SCAND3: variants seen among roughly 807,000 people sequenced by gnomAD.
SCAND3 encodes SCAN domain-containing protein 3.
At chr6:28,576,697 A>C in the SCAND3 span, among the ~76,000 whole-genome samples, 1 of 152,188 alleles carries the variant, frequency 6.6e-6, no homozygotes, top group East Asian at 1.9e-4. Context: ...AGCAGTTTTC[A>C]GGATTGAAGC....
chr6:28,572,106 A>G, the SCAND3 span: 1 of 1,614,046 alleles, frequency 6.2e-7, no homozygotes, highest in Non-Finnish European at 8.5e-7. The surrounding 1 kb of genome is among the most constrained non-coding windows in gnomAD (Gnocchi z 4.1). Flanking sequence ...AAGCAATCTC[A>G]GCAAGCTCAG....
chr6:28,612,599 G>A, the SCAND3 span, among the ~76,000 whole-genome samples: 1 of 152,112 alleles, frequency 6.6e-6, no homozygotes, highest in Non-Finnish European at 1.5e-5. Context: ...AATGTGTACT[G>A]CTCAGGGAAT....
chr6:28,572,983 C>T, the SCAND3 span: 3 of 1,613,786 alleles, frequency 1.9e-6, no homozygotes, highest in Non-Finnish European at 2.5e-6. This position sits in a 1 kb window ranked among gnomAD's most constrained non-coding sequence, Gnocchi z 4.1. Context: ...ACCATCAGAA[C>T]ATACTCCTAC....
the SCAND3 span, among the ~76,000 whole-genome samples, chr6:28,603,674 A>G: frequency 1.3e-5 from 2 of 152,040 alleles, no homozygotes; most frequent in East Asian, 1.9e-4. Context: ...CTCTAATCGT[A>G]TATACTTCAG....
At chr6:28,608,159 A>G in the SCAND3 span, among the ~76,000 whole-genome samples, 14 of 152,330 alleles carry the variant, frequency 9.2e-5, no homozygotes, top group East Asian at 2.7e-3. Flanking sequence ...CCGATAAGTT[A>G]AAGATATGCT....
At chr6:28,579,220 C>A in the SCAND3 span, 3 of 1,524,100 alleles carry the variant, frequency 2.0e-6, no homozygotes, top group Non-Finnish European at 2.7e-6. This position sits in a 1 kb window ranked among gnomAD's most constrained non-coding sequence, Gnocchi z 4.5. Context: ...CAATACTAGA[C>A]CCTTCATTCT....
chr6:28,599,012 C>T, the SCAND3 span, among the ~76,000 whole-genome samples: 1 of 150,774 alleles, frequency 6.6e-6, no homozygotes, highest in Admixed American at 6.6e-5. Flanking sequence ...AAGAAAGCAA[C>T]ACTATTTATA....
the SCAND3 span, among the ~76,000 whole-genome samples, chr6:28,605,004 TCA>T: frequency 6.6e-6 from 1 of 152,210 alleles, no homozygotes; most frequent in African/African-American, 2.4e-5. Context: ...CCACTTGGTC[TCA>T]CTATAGGTTT....
At chr6:28,590,735 C>T in the SCAND3 span, 1 of 152,266 alleles carries the variant, frequency 6.6e-6, no homozygotes, top group Non-Finnish European at 1.5e-5. Context: ...TCCATTAAAC[C>T]ATTAATAATT....
chr6:28,612,963 C>A, the SCAND3 span, among the ~76,000 whole-genome samples: 397 of 152,158 alleles, frequency 2.6e-3, 1 homozygote, highest in Non-Finnish European at 4.6e-3. Context: ...ACAAAGTGTA[C>A]AAAATGGGTT....
the SCAND3 span, chr6:28,586,821 G>A: frequency 9.0e-6 from 9 of 996,838 alleles, no homozygotes; most frequent in African/African-American, 1.5e-4. The surrounding 1 kb of genome is among the most constrained non-coding windows in gnomAD (Gnocchi z 4.4). Flanking sequence ...GAAAGTTTTT[G>A]ATATAAGAAA....
the SCAND3 span, chr6:28,573,404 G>T: frequency 6.2e-7 from 1 of 1,614,084 alleles, no homozygotes; most frequent in Non-Finnish European, 8.5e-7. Flanking sequence ...TTGGCAACCG[G>T]AAGTGCTACT....
the SCAND3 span, among the ~76,000 whole-genome samples, chr6:28,609,244 T>C: frequency 6.6e-6 from 1 of 152,210 alleles, no homozygotes; most frequent in Non-Finnish European, 1.5e-5. Context: ...GGTAGGATTA[T>C]ATATCTGGAA....
chr6:28,589,869 T>G, the SCAND3 span: 1 of 150,570 alleles, frequency 6.6e-6, no homozygotes, highest in Non-Finnish European at 1.5e-5. Context: ...TTTTTTTTTT[T>G]TTTTCGCTGT....
chr6:28,609,348 A>G, the SCAND3 span, among the ~76,000 whole-genome samples: 2 of 152,172 alleles, frequency 1.3e-5, no homozygotes, highest in Admixed American at 1.3e-4. Flanking sequence ...CACACACACA[A>G]AATAGCTTTT....
At chr6:28,610,164 C>T in the SCAND3 span, among the ~76,000 whole-genome samples, 1 of 152,082 alleles carries the variant, frequency 6.6e-6, no homozygotes, top group African/African-American at 2.4e-5. Flanking sequence ...GGCTTTTTTC[C>T]CCCCAGGTTT....
chr6:28,574,883 T>C, the SCAND3 span: 1 of 1,614,020 alleles, frequency 6.2e-7, no homozygotes, highest in Non-Finnish European at 8.5e-7. Context: ...GTGCATTCTT[T>C]TTCACAAACT....
At chr6:28,602,956 ATTTTTTT>A in the SCAND3 span, among the ~76,000 whole-genome samples, 12 of 94,458 alleles carry the variant, frequency 1.3e-4, no homozygotes, top group Admixed American at 7.8e-4. Flanking sequence ...CCAAAAAAAA[ATTTTTTT>A]TTTTTTTTTT....
the SCAND3 span, among the ~76,000 whole-genome samples, chr6:28,606,849 C>T: frequency 6.6e-6 from 1 of 152,196 alleles, no homozygotes; most frequent in African/African-American, 2.4e-5. Context: ...TACAGTTTCC[C>T]TTCAAACACG....
Sources: gnomAD v4.1 joint callset for allele counts (sites outside exome capture counted in the v4.1 genomes callset) on GRCh38, gnomAD v4.1.1 for gene constraint, Gnocchi (gnomAD v3.1) non-coding constraint, MANE v1.5 for transcripts, NCBI Gene and HGNC (gene_info 2026-07-23, HGNC 2026-07-21) for gene names.